Variants in CNBD1 observed in about 807,000 individuals in gnomAD.
CNBD1 encodes the protein cyclic nucleotide binding domain containing 1.
Under a neutral mutation model 54.4 loss-of-function variants are expected in CNBD1, and 71 were observed. The observed-to-expected ratio is 1.30, with a 90% confidence interval of 1.08 to 1.59. The LOEUF (loss-of-function observed/expected upper bound fraction) is 1.59, where lower values mean the gene tolerates loss of function less well. Among genes scored for constraint, CNBD1 ranks in the 40% most tolerant of loss-of-function variants. CNBD1 has a pLI of 0.00. For missense variants in CNBD1, 659 were observed against 518.0 expected (o/e 1.27, Z -2.64); for synonymous variants, 182 against 170.7 (o/e 1.07, Z -0.51).
intron 8 of CNBD1, among the ~76,000 whole-genome samples, chr8:87,348,772 T>G (rs918192244): frequency 6.6e-6 from 1 of 152,224 alleles, no homozygotes; most frequent in Non-Finnish European, 1.5e-5. Flanking sequence ...AGTAGGGAAT[T>G]ATTCTTCTTA....
chr8:86,948,164 A>G (rs1158758481), intron 4 of CNBD1, among the ~76,000 whole-genome samples: 1 of 152,096 alleles, frequency 6.6e-6, no homozygotes, highest in Non-Finnish European at 1.5e-5. Context: ...TCTTCTGTTG[A>G]TGGACACTTA....
chr8:86,980,349 G>T (rs1176316719), intron 4 of CNBD1, among the ~76,000 whole-genome samples: 2 of 152,114 alleles, frequency 1.3e-5, no homozygotes, highest in Non-Finnish European at 2.9e-5. Context: ...CTAATGACTG[G>T]GTCACAGGGT....
chr8:86,981,336 A>C (rs1377880139), intron 4 of CNBD1, among the ~76,000 whole-genome samples: 2 of 151,906 alleles, frequency 1.3e-5, no homozygotes, highest in Non-Finnish European at 1.5e-5. Flanking sequence ...ATTTTCCCCA[A>C]ATTTCTGGTT....
At chr8:87,254,724 G>T (rs1000781525) in intron 6 of CNBD1, among the ~76,000 whole-genome samples, 17 of 152,208 alleles carry the variant, frequency 1.1e-4, no homozygotes, top group Admixed American at 7.2e-4. Context: ...AATATGTGAA[G>T]TGCAATAGCA....
At chr8:87,371,772 T>C (rs1315110285) in intron 10 of CNBD1, among the ~76,000 whole-genome samples, 1 of 151,944 alleles carries the variant, frequency 6.6e-6, no homozygotes, top group Non-Finnish European at 1.5e-5. Context: ...AAAAGGCCTT[T>C]GACAAAATTC....
chr8:87,387,512 C>T (rs915573261), downstream of CNBD1, among the ~76,000 whole-genome samples: 13 of 151,986 alleles, frequency 8.6e-5, no homozygotes, highest in Admixed American at 3.9e-4. Flanking sequence ...ACAAAGAAAG[C>T]CATTACATAA....
chr8:86,886,238 A>C (rs757014889), intron 1 of CNBD1, among the ~76,000 whole-genome samples: 1 of 152,162 alleles, frequency 6.6e-6, no homozygotes, highest in African/African-American at 2.4e-5. Context: ...TTAAGATTTT[A>C]TATATCAGAA....
intron 6 of CNBD1, among the ~76,000 whole-genome samples, chr8:87,254,403 GTGATA>G (rs1473231523): frequency 6.6e-6 from 1 of 152,170 alleles, no homozygotes; most frequent in Non-Finnish European, 1.5e-5. Flanking sequence ...TCAATAATTT[GTGATA>G]TAATTTTTGT....
intron 2 of CNBD1, among the ~76,000 whole-genome samples, chr8:87,388,827 A>G (rs1014231267): frequency 4.6e-5 from 7 of 152,216 alleles, no homozygotes; most frequent in African/African-American, 7.2e-5. Context: ...AATATCCCTG[A>G]TTAACATCGA....
At chr8:87,149,139 G>A (rs544220147) in intron 4 of CNBD1, among the ~76,000 whole-genome samples, 12 of 152,228 alleles carry the variant, frequency 7.9e-5, no homozygotes, top group East Asian at 5.8e-4. Context: ...CTTTCTGTAC[G>A]TAGGTAGGAT....
At chr8:87,085,373 A>C (rs1160599666) in intron 4 of CNBD1, among the ~76,000 whole-genome samples, 2 of 152,188 alleles carry the variant, frequency 1.3e-5, no homozygotes, top group Non-Finnish European at 1.5e-5. Context: ...TGGTATGTAT[A>C]AGATACATAC....
chr8:87,028,664 G>A (rs1288895295), intron 4 of CNBD1, among the ~76,000 whole-genome samples: 1 of 152,180 alleles, frequency 6.6e-6, no homozygotes, highest in African/African-American at 2.4e-5. Context: ...GGGTAAGAAA[G>A]CAATTATGAT....
At chr8:87,229,645 C>A (rs1248921895) in intron 5 of CNBD1, among the ~76,000 whole-genome samples, 1 of 151,942 alleles carries the variant, frequency 6.6e-6, no homozygotes, top group Admixed American at 6.6e-5. Context: ...ATACTTTTCT[C>A]TGAACTCTTC....
chr8:87,314,368 ATATCCT>A (rs1809336848), intron 8 of CNBD1, among the ~76,000 whole-genome samples: 1 of 151,902 alleles, frequency 6.6e-6, no homozygotes, highest in Non-Finnish European at 1.5e-5. Flanking sequence ...GAGGAAAATC[ATATCCT>A]TATCTTTATG....
intron 8 of CNBD1, among the ~76,000 whole-genome samples, chr8:87,346,179 T>C (rs1810172416): frequency 1.3e-5 from 2 of 152,102 alleles, no homozygotes; most frequent in South Asian, 2.1e-4. Flanking sequence ...GTAGCTGAGA[T>C]TACAGGCATG....
chr8:87,310,890 T>C (rs747579032), intron 8 of CNBD1, among the ~76,000 whole-genome samples: 1 of 151,958 alleles, frequency 6.6e-6, no homozygotes, highest in Non-Finnish European at 1.5e-5. Flanking sequence ...CTGGGATAGC[T>C]GGCTAGCCAT....
At chr8:87,417,700 G>C (rs1807859587) in intron 2 of CNBD1, among the ~76,000 whole-genome samples, 1 of 151,714 alleles carries the variant, frequency 6.6e-6, no homozygotes, top group South Asian at 2.1e-4. Context: ...CACTAGCAAA[G>C]AACAGTCTAA....
At chr8:87,153,200 G>A (rs180876886) in intron 4 of CNBD1, among the ~76,000 whole-genome samples, 1 of 152,124 alleles carries the variant, frequency 6.6e-6, no homozygotes, top group African/African-American at 2.4e-5. Context: ...GAAAGGTGAT[G>A]GAGAAAAAGC....
At chr8:87,322,794 A>G (rs992743216) in intron 8 of CNBD1, among the ~76,000 whole-genome samples, 2 of 95,318 alleles carry the variant, frequency 2.1e-5, no homozygotes, top group Non-Finnish European at 4.5e-5. Flanking sequence ...GCTGTGCAGA[A>G]GCTCTTTAGT....
Sources: allele counts gnomAD v4.1 joint callset (sites outside exome capture counted in the v4.1 genomes callset), GRCh38; gene constraint gnomAD v4.1.1; transcripts MANE v1.5; gene names NCBI Gene and HGNC (gene_info 2026-07-23, HGNC 2026-07-21).